The following ENTREP2 variants were observed in gnomAD, a reference collection of about 807,000 sequenced individuals.
The protein encoded by ENTREP2 is protein ENTREP2.
chr15:29,131,730 TGA>T, the ENTREP2 span, among the ~76,000 whole-genome samples: 1 of 117,640 alleles, frequency 8.5e-6, no homozygotes, highest in Non-Finnish European at 1.7e-5. Flanking sequence ...GGTCTCCATG[TGA>T]GAGTGCGAGA....
At chr15:29,443,458 T>C in the ENTREP2 span, among the ~76,000 whole-genome samples, 1 of 151,978 alleles carries the variant, frequency 6.6e-6, no homozygotes, top group Non-Finnish European at 1.5e-5. Context: ...GGAGCAGGAT[T>C]AAGTAATTAT....
the ENTREP2 span, among the ~76,000 whole-genome samples, chr15:29,198,334 C>A: frequency 6.6e-6 from 1 of 152,168 alleles, no homozygotes; most frequent in Non-Finnish European, 1.5e-5. Flanking sequence ...CGTGGAGCAC[C>A]CCTGCAGAAC....
At chr15:29,466,944 C>T in the ENTREP2 span, among the ~76,000 whole-genome samples, 5 of 134,352 alleles carry the variant, frequency 3.7e-5, no homozygotes, top group East Asian at 1.2e-3. Context: ...GCTGCAGCCC[C>T]CAGGGGAGGG....
chr15:29,581,046 C>G, the ENTREP2 span, among the ~76,000 whole-genome samples: 1 of 142,700 alleles, frequency 7.0e-6, no homozygotes, highest in Non-Finnish European at 1.6e-5. Context: ...ACCTATAATT[C>G]AATAGTCATT....
chr15:29,325,377 T>C, the ENTREP2 span, among the ~76,000 whole-genome samples: 25 of 151,742 alleles, frequency 1.6e-4, no homozygotes, highest in South Asian at 1.0e-3. Flanking sequence ...TAGAGAAAAT[T>C]AGACTCAGAA....
the ENTREP2 span, among the ~76,000 whole-genome samples, chr15:29,481,525 CTGAGA>C: frequency 6.6e-6 from 1 of 152,204 alleles, no homozygotes; most frequent in Non-Finnish European, 1.5e-5. Flanking sequence ...CCCTCCACAT[CTGAGA>C]TTAGTGTGAA....
chr15:29,530,120 G>A, the ENTREP2 span, among the ~76,000 whole-genome samples: 15,805 of 152,086 alleles, frequency 0.1, 859 homozygotes, highest in Middle Eastern at 0.13. Flanking sequence ...TCGGATGTAC[G>A]GAAGGCGCCT....
chr15:29,379,135 C>T, the ENTREP2 span, among the ~76,000 whole-genome samples: 6 of 152,312 alleles, frequency 3.9e-5, no homozygotes, highest in South Asian at 1.2e-3. Flanking sequence ...CAGTGCCTGC[C>T]ACAGGTTCCT....
chr15:29,311,758 T>C, the ENTREP2 span, among the ~76,000 whole-genome samples: 1 of 152,120 alleles, frequency 6.6e-6, no homozygotes, highest in South Asian at 2.1e-4. Context: ...TAAGTAGATA[T>C]TACACACTAT....
At chr15:29,549,460 C>T in the ENTREP2 span, among the ~76,000 whole-genome samples, 3 of 151,966 alleles carry the variant, frequency 2.0e-5, no homozygotes, top group Admixed American at 6.6e-5. Context: ...TTAGTAGAGA[C>T]GGGGTTTCAC....
At chr15:29,538,736 G>A in the ENTREP2 span, among the ~76,000 whole-genome samples, 1 of 151,714 alleles carries the variant, frequency 6.6e-6, no homozygotes, top group Non-Finnish European at 1.5e-5. Context: ...GTGAACCTGG[G>A]AGGCAGAACT....
the ENTREP2 span, among the ~76,000 whole-genome samples, chr15:29,223,235 A>T: frequency 6.6e-6 from 1 of 152,166 alleles, no homozygotes; most frequent in Admixed American, 6.5e-5. Context: ...CGCAATTCTT[A>T]GCTTCTCTTG....
chr15:29,129,817 T>C, the ENTREP2 span, among the ~76,000 whole-genome samples: 2 of 152,162 alleles, frequency 1.3e-5, no homozygotes, highest in African/African-American at 4.8e-5. Context: ...GATGTTTGGA[T>C]GTGATGCCAG....
the ENTREP2 span, among the ~76,000 whole-genome samples, chr15:29,248,988 T>G: frequency 6.6e-6 from 1 of 152,262 alleles, no homozygotes; most frequent in Non-Finnish European, 1.5e-5. Flanking sequence ...CATTCATACA[T>G]ATAGAGTAGT....
At chr15:29,218,786 C>T in the ENTREP2 span, among the ~76,000 whole-genome samples, 1 of 152,168 alleles carries the variant, frequency 6.6e-6, no homozygotes, top group African/African-American at 2.4e-5. Context: ...AAACTGGATC[C>T]TCATCTCTCA....
chr15:29,400,219 A>T, the ENTREP2 span, among the ~76,000 whole-genome samples: 1 of 152,188 alleles, frequency 6.6e-6, no homozygotes, highest in Non-Finnish European at 1.5e-5. Context: ...AAGCTCTTAA[A>T]CTATAGACAA....
chr15:29,344,325 A>G, the ENTREP2 span, among the ~76,000 whole-genome samples: 27 of 152,254 alleles, frequency 1.8e-4, no homozygotes, highest in African/African-American at 6.0e-4. Flanking sequence ...AGAATGATGC[A>G]TAACAAGAGC....
At chr15:29,557,759 T>C in the ENTREP2 span, among the ~76,000 whole-genome samples, 2 of 152,196 alleles carry the variant, frequency 1.3e-5, no homozygotes, top group African/African-American at 2.4e-5. Context: ...CCTGGATCTT[T>C]AGGGAGGTGC....
the ENTREP2 span, among the ~76,000 whole-genome samples, chr15:29,335,284 A>T: frequency 6.6e-6 from 1 of 152,228 alleles, no homozygotes; most frequent in Admixed American, 6.5e-5. Flanking sequence ...CTACGGTGTA[A>T]TTGAAATTCC....
Sources: gnomAD v4.1 joint callset for allele counts (sites outside exome capture counted in the v4.1 genomes callset) on GRCh38, gnomAD v4.1.1 for gene constraint, MANE v1.5 for transcripts, NCBI Gene and HGNC (gene_info 2026-07-23, HGNC 2026-07-21) for gene names.